Variants in CCDC85C observed in about 807,000 individuals in gnomAD.
CCDC85C encodes coiled-coil domain containing 85C, also known as coiled-coil domain-containing protein 85C.
A neutral mutation model predicts 38.3 loss-of-function variants in CCDC85C; 18 were observed. The ratio of observed to expected loss-of-function variants is 0.47; its 90% CI spans 0.33 to 0.70. CCDC85C has a LOEUF of 0.70. CCDC85C is among the 30% of genes least tolerant of loss of function. The pLI is 0.03. For synonymous variants in CCDC85C, 264 were observed against 293.8 expected (o/e 0.90, Z 1.04); for missense variants, 566 against 621.2 (o/e 0.91, Z 0.94).
chr14:99,532,693 T>C (rs1897515034), intron 2 of CCDC85C, among the ~76,000 whole-genome samples: 1 of 151,980 alleles, frequency 6.6e-6, no homozygotes, highest in Admixed American at 6.5e-5. Context: ...CTCTCTCTCC[T>C]GCATGGCTCA....
intron 1 of CCDC85C, among the ~76,000 whole-genome samples, chr14:99,573,186 C>T (rs1257997034): frequency 6.6e-6 from 1 of 152,218 alleles, no homozygotes; most frequent in Non-Finnish European, 1.5e-5. Flanking sequence ...TGCTGCTCAG[C>T]GGTCCAGCGT....
intron 1 of CCDC85C, among the ~76,000 whole-genome samples, chr14:99,565,866 G>A (rs1898206068): frequency 6.6e-6 from 1 of 152,244 alleles, no homozygotes; most frequent in East Asian, 1.9e-4. Flanking sequence ...CCCCAGAGAA[G>A]AGGCAGGATG....
At chr14:99,580,002 C>T (rs564349343) in intron 1 of CCDC85C, 12 of 454,934 alleles carry the variant, frequency 2.6e-5, no homozygotes, top group South Asian at 1.7e-4. Flanking sequence ...CCATGACAAA[C>T]CCCACATACC....
At position 99,507,528 on chromosome 14, in the gene CCDC85C, C is replaced by T. The variant is rs1595326022; in HGVS notation, c.*7718G>A. On this transcript the variant is annotated 3_prime_UTR_variant, in exon 6 of 6. Coordinates refer to ENST00000380243, the MANE Select transcript of CCDC85C (RefSeq NM_001144995.2). ...CTGCAGTGAGCTATGATTGCACCAC[C>T]GTACTCCAGCCTGGGTGAGAGGGAG... The T allele has an allele frequency of 1.0e-5, 2 of 195,644 alleles. No homozygotes were observed. The highest frequency in any genetic ancestry group is 2.5e-4 in the East Asian group (2 of 7,954). 12.1% of individuals were successfully genotyped at this position (195,644 alleles called of 1,614,324 possible). A position where few individuals can be genotyped will look rare whatever the true frequency, so the allele number is the denominator to read the frequency against.
chr14:99,528,920 C>T (rs1007291321), intron 2 of CCDC85C, among the ~76,000 whole-genome samples: 2 of 152,088 alleles, frequency 1.3e-5, no homozygotes, highest in African/African-American at 4.8e-5. Flanking sequence ...CTGATCTGTG[C>T]AGCAAACTAC....
rs1897184675 is a variant in CCDC85C, at chr14:99,514,251, A to T, written c.*995T>A. 1 of 152,458 alleles carries T rather than the reference A, an allele frequency of 6.6e-6. No individual in the cohort carries two copies. The highest frequency in any genetic ancestry group is 1.5e-5 in the Non-Finnish European group (1 of 68,234). The allele number at this position is 152,458 out of a possible 1,614,324, so 9.4% of individuals were successfully genotyped here. ...GTGAACTGCTAAAGGTCACACCACA[A>T]ACTAAAGGCAGAACCTGGCCAGACA... On this transcript the variant is annotated 3_prime_UTR_variant, in exon 6 of 6. Transcript: ENST00000380243.
At chr14:99,519,196 G>C (rs748512180) in intron 3 of CCDC85C, among the ~76,000 whole-genome samples, 1 of 120,794 alleles carries the variant, frequency 8.3e-6, no homozygotes, top group African/African-American at 3.2e-5. Flanking sequence ...GCTCACTGCA[G>C]CCTTGACCTC....
rs1040895741 is a variant in CCDC85C at position 99,548,406 on chromosome 14, C to T, written c.794-12318G>A. ...TGGTCATGCTGTGTGACGGTGCACA[C>T]GTAAGAACGGGCCACACAGGGGATG... is the stretch of plus-strand genomic sequence containing the variant. On this transcript the variant is annotated intron_variant, in intron 1 of 5. Transcript: ENST00000380243. This position sits in a 1 kb window ranked among gnomAD's most constrained non-coding sequence, Gnocchi z 4.9. Among the ~76,000 whole-genome samples, 10 of 152,190 alleles carry T rather than the reference C, an allele frequency of 6.6e-5. No homozygotes were observed. Among genetic ancestry groups the T allele is most frequent in the African/African-American group, 1.7e-4 (7 of 41,532 alleles).
intron 1 of CCDC85C, among the ~76,000 whole-genome samples, chr14:99,540,001 A>T (rs1404380450): frequency 6.6e-6 from 1 of 152,164 alleles, no homozygotes; most frequent in Admixed American, 6.5e-5. Context: ...TATAAAAATT[A>T]TCTGGGAGTG....
At chr14:99,560,221 C>T (rs1028810305) in intron 1 of CCDC85C, among the ~76,000 whole-genome samples, 5 of 152,178 alleles carry the variant, frequency 3.3e-5, no homozygotes, top group East Asian at 3.9e-4. Context: ...CACCCACACA[C>T]GCAGCCCTCA....
At chr14:99,561,722 C>T (rs1355457219) in intron 1 of CCDC85C, among the ~76,000 whole-genome samples, 2 of 152,178 alleles carry the variant, frequency 1.3e-5, no homozygotes, top group Non-Finnish European at 2.9e-5. Flanking sequence ...CCTGGAGAAC[C>T]CACAAGCTCC....
chr14:99,575,410 G>A (rs535522459), intron 1 of CCDC85C, among the ~76,000 whole-genome samples: 21 of 152,272 alleles, frequency 1.4e-4, no homozygotes, highest in Admixed American at 7.2e-4. Context: ...ATCACTCAGC[G>A]ACCCTCACCC....
In CCDC85C at chr14:99,502,425, A is replaced by G; in HGVS notation, c.*12821T>C. Reference sequence around the variant, plus strand: ...CGTGAGGGTGTTCCATGTTGAGATGATTCTTCCATGTGTACCCTGAGTCCC... The same window carrying G: ...CGTGAGGGTGTTCCATGTTGAGATGGTTCTTCCATGTGTACCCTGAGTCCC... On this transcript the variant is annotated 3_prime_UTR_variant, in exon 6 of 6. Coordinates refer to ENST00000380243, the MANE Select transcript of CCDC85C (RefSeq NM_001144995.2). 2.5e-6 allele frequency: 4 copies of G among 1,592,074 alleles called. No individual in the cohort carries two copies. Among genetic ancestry groups the G allele is most frequent in the Non-Finnish European group, 2.6e-6 (3 of 1,168,526 alleles).
chr14:99,503,089 G>T lies in CCDC85C; in HGVS notation c.*12157C>A. 7.6e-7 allele frequency: 1 copy of T among 1,313,010 alleles called. No homozygotes were observed. Among genetic ancestry groups the T allele is most frequent in the Non-Finnish European group, 1.1e-6 (1 of 910,152 alleles). The allele number at this position is 1,313,010 out of a possible 1,614,324, so 81.3% of individuals were successfully genotyped here. A position where few individuals can be genotyped will look rare whatever the true frequency, so the allele number is the denominator to read the frequency against. ...GCGAGCACAGGGAACACCGGAAGCAGGGGGTGTTCGCCGAAACTCGCAGTC... is the reference window on the plus strand; with the variant it reads ...GCGAGCACAGGGAACACCGGAAGCATGGGGTGTTCGCCGAAACTCGCAGTC... On this transcript the variant is annotated 3_prime_UTR_variant, in exon 6 of 6. Transcript: ENST00000380243.
chr14:99,598,264 T>C (rs1416378186), intron 1 of CCDC85C, among the ~76,000 whole-genome samples: 2 of 152,232 alleles, frequency 1.3e-5, no homozygotes, highest in African/African-American at 4.8e-5. Context: ...AGGAACTTGC[T>C]TAACAGACTT....
intron 1 of CCDC85C, among the ~76,000 whole-genome samples, chr14:99,600,233 G>A (rs1176374467): frequency 6.6e-6 from 1 of 152,246 alleles, no homozygotes; most frequent in Non-Finnish European, 1.5e-5. Flanking sequence ...GAAACCTACT[G>A]TGTGTAGATC....
intron 2 of CCDC85C, 47 bp from the exon 3 acceptor site, chr14:99,522,287 G>T: frequency 7.1e-7 from 1 of 1,403,852 alleles, no homozygotes; most frequent in Non-Finnish European, 9.7e-7. Context: ...CCAGGCTGAG[G>T]AGGACAAGGG....
At position 99,500,577 on chromosome 14, in the gene CCDC85C, T is replaced by G; in HGVS notation, c.*14669A>C. 1.8e-6 allele frequency: 1 copy of G among 563,654 alleles called. No homozygotes were observed. The allele number at this position is 563,654 out of a possible 1,614,324, so 34.9% of individuals were successfully genotyped here. Reference sequence around the variant, plus strand: ...TACACCTCTGCTTTGTCTTCCTGTTTGAGATCTTTTCAGAATTTATCAGTG... The same window carrying G: ...TACACCTCTGCTTTGTCTTCCTGTTGGAGATCTTTTCAGAATTTATCAGTG... On this transcript the variant is annotated 3_prime_UTR_variant, in exon 6 of 6. Coordinates refer to ENST00000380243, the MANE Select transcript of CCDC85C (RefSeq NM_001144995.2).
At chr14:99,550,683 C>A (rs903647559) in intron 1 of CCDC85C, among the ~76,000 whole-genome samples, 9 of 152,218 alleles carry the variant, frequency 5.9e-5, no homozygotes, top group African/African-American at 2.2e-4. Context: ...CTCCGAAAGC[C>A]CTGGCATAGG....
Sources: allele counts gnomAD v4.1 joint callset (sites outside exome capture counted in the v4.1 genomes callset), GRCh38; gene constraint gnomAD v4.1.1; non-coding constraint Gnocchi (gnomAD v3.1); transcripts MANE v1.5; gene names NCBI Gene and HGNC (gene_info 2026-07-23, HGNC 2026-07-21).